The following FBN3 variants were observed in gnomAD, a reference collection of about 807,000 sequenced individuals.
FBN3 encodes fibrillin-3.
In FBN3, 234 loss-of-function variants were observed where a neutral mutation model predicts 330.1. The observed-to-expected ratio is 0.71, with a 90% CI of 0.64 to 0.79. The LOEUF is 0.79. FBN3 is among the 30% of genes least tolerant of loss of function. FBN3 has a pLI of 0.00. For missense variants in FBN3, 3,606 were observed against 3,886.9 expected (o/e 0.93, Z 1.92); for synonymous variants, 1,458 against 1,517.3 (o/e 0.96, Z 0.91).
rs768086589 is a variant in FBN3 at position 8,089,598 on chromosome 19, C to T, written c.6323G>A (p.Arg2108His). The T allele has an allele frequency of 3.1e-6, 5 of 1,614,054 alleles. No homozygotes were observed. The highest frequency in any genetic ancestry group is 4.5e-5 in the East Asian group (2 of 44,890). Residue 2108 changes from arginine (R) to histidine (H), a missense_variant, in exon 51 of 64, where the codon CGC becomes CAC. Transcript: ENST00000600128. ...GCTGTAGCCAAAGGGACACTCACAGCGGAAGGATCCATCGGTGTTGACACA... is the reference window on the plus strand; with the variant it reads ...GCTGTAGCCAAAGGGACACTCACAGTGGAAGGATCCATCGGTGTTGACACA... ...GVCVNTDGSF[R>H]CECPFGYSLD...
In FBN3 at chr19:8,097,324, C is replaced by A. The variant is rs758384388; in HGVS notation, c.5252G>T (p.Gly1751Val). 5 of 1,610,058 alleles carry A rather than the reference C, an allele frequency of 3.1e-6. No homozygotes were observed. Among genetic ancestry groups the A allele is most frequent in the Non-Finnish European group, 8.5e-7 (1 of 1,177,362 alleles). The change falls in exon 42 of 64, where the codon GGC becomes GTC. Residue 1751 changes from glycine to valine, a missense_variant. Physicochemically the swap from Gly to Val is moderately radical, Grantham distance 109. Transcript: ENST00000600128. ...CAGCAGGATGCTGTTGTAGTTGAAG[C>A]CTGCGGGGCACTCGCAGCGGAAACT... ...IGSFRCECPA[G>V]FNYNSILLAC...
chr19:8,136,630 G>C (rs2083288193), intron 10 of FBN3, 99 bp from the exon 11 acceptor site: 1 of 1,496,872 alleles, frequency 6.7e-7, no homozygotes, highest in East Asian at 2.3e-5. Context: ...CCCCTCTAAG[G>C]CTGGGACCCT....
At chr19:8,120,200 C>T (rs1411119235) in intron 25 of FBN3, among the ~76,000 whole-genome samples, 3 of 141,354 alleles carry the variant, frequency 2.1e-5, no homozygotes, top group African/African-American at 8.0e-5. Flanking sequence ...GACAGAATCT[C>T]GCTCTGTCGC....
In FBN3 at chr19:8,131,675, G is replaced by A. The variant is rs768480476; in HGVS notation, c.1869C>T (p.Ala623=). 2.5e-6 allele frequency: 4 copies of A among 1,614,240 alleles called. No individual in the cohort carries two copies. Among genetic ancestry groups the A allele is most frequent in the Non-Finnish European group, 2.5e-6 (3 of 1,180,042 alleles). Residue 623 remains alanine (A), a synonymous_variant, in exon 15 of 64, where the codon GCC becomes GCT. Coordinates refer to ENST00000600128, the MANE Select transcript of FBN3 (RefSeq NM_032447.5). The surrounding 1 kb of genome is among the most constrained non-coding windows in gnomAD (Gnocchi z 4.5). ...GGCGGGCACAGGAGCCCTTCTCGAT[G>A]GCCCCATAGCAGGTGCTGCGCACGT... ...DTHVRSTCYG[A]IEKGSCARPF... is the part of the protein sequence containing the mutation.
Position 8,135,943 on chromosome 19 carries a change from CGCCCA to C in FBN3, c.1591+13_1591+17del. 2.1e-6 allele frequency: 1 copy of C among 481,672 alleles called. No individual in the cohort carries two copies. Among genetic ancestry groups the C allele is most frequent in the Non-Finnish European group, 4.0e-6 (1 of 250,160 alleles). 29.8% of individuals were successfully genotyped at this position (481,672 alleles called of 1,614,324 possible). The stretch of plus-strand genomic sequence containing the variant: ...TGGGGCCCGGAAGCCCCTGCCCACC[CGCCCA>C]CCCCCAACTCACCCACACAGTTCTT... On this transcript the variant is annotated intron_variant, in intron 13 of 63. Coordinates refer to ENST00000600128, the MANE Select transcript of FBN3 (RefSeq NM_032447.5).
intron 6 of FBN3, among the ~76,000 whole-genome samples, chr19:8,143,993 A>AG (rs200438933): frequency 1.4e-4 from 21 of 151,156 alleles, no homozygotes; most frequent in African/African-American, 2.7e-4. Flanking sequence ...TTTTTTAGAG[A>AG]GGGGGGGTGT....
rs1304014847 is a variant in FBN3 at position 8,126,782 on chromosome 19, G to A, written c.2347C>T (p.Leu783=). The A allele has an allele frequency of 1.1e-5, 18 of 1,591,622 alleles. No individual in the cohort carries two copies. Among genetic ancestry groups the A allele is most frequent in the Non-Finnish European group, 1.5e-5 (17 of 1,170,512 alleles). ...SPCVSGVCRN[L]AGSYTCKCGP... ...CATTTGCAGGTGTAGGAGCCGGCCA[G>A]GTTCCGACAGACGCCACTCACACAC... Residue 783 remains leucine, a synonymous_variant, in exon 19 of 64, where the codon CTG becomes TTG. Transcript: ENST00000600128.
At chr19:8,145,797 C>T in intron 5 of FBN3, 46 bp downstream of exon 5, 1 of 1,414,308 alleles carries the variant, frequency 7.1e-7, no homozygotes, top group South Asian at 1.2e-5. Context: ...ACTCTGGGAT[C>T]ACAGTCCCAG....
chr19:8,113,484 T>C (rs4804266), intron 30 of FBN3, among the ~76,000 whole-genome samples: 149,709 of 152,218 alleles, frequency 0.98, 73,662 homozygotes, highest in Non-Finnish European at 1. Flanking sequence ...TCCACCTCAA[T>C]CTCCCAAAGT....
rs138322146 is a variant in FBN3, at chr19:8,066,189, G to A, written c.8160C>T (p.Ala2720=). ...CCGGCCGGAGCTCCAGGATGCGCTC[G>A]GCCCGGCCCAGGTGTGAGAGGTTCA... The part of the protein sequence containing the change: ...LGLNLSHLGR[A]ERILELRPAL... The change falls in exon 64 of 64, where the codon GCC becomes GCT. Residue 2720 remains alanine (A), a synonymous_variant. Coordinates refer to ENST00000600128, the MANE Select transcript of FBN3 (RefSeq NM_032447.5). 817 of 1,611,158 alleles carry A rather than the reference G, an allele frequency of 5.1e-4. 7 individuals carry two copies. The highest frequency in any genetic ancestry group is 5.0e-3 in the Middle Eastern group (30 of 6,048).
At chr19:8,091,415 C>T (rs2082091263) in intron 48 of FBN3, 50 bp downstream of exon 48, 1 of 1,601,924 alleles carries the variant, frequency 6.2e-7, no homozygotes. Flanking sequence ...CAATCTGACC[C>T]TTCCCCGCCC....
chr19:8,099,516 G>A (rs1420170242), intron 41 of FBN3, among the ~76,000 whole-genome samples: 3 of 151,418 alleles, frequency 2.0e-5, no homozygotes, highest in East Asian at 2.0e-4. Flanking sequence ...TCCTGACCTC[G>A]TGATCCGCCT....
At chr19:8,087,410 G>A (rs748131335) in intron 53 of FBN3, among the ~76,000 whole-genome samples, 199 bp from the exon 54 acceptor site, 2 of 152,082 alleles carry the variant, frequency 1.3e-5, no homozygotes, top group Non-Finnish European at 2.9e-5. Context: ...ATCAGGAATT[G>A]TCCCCCAAAG....
At chr19:8,110,741 G>C in intron 34 of FBN3, 104 bp downstream of exon 34, 1 of 1,469,158 alleles carries the variant, frequency 6.8e-7, no homozygotes, top group Admixed American at 1.8e-5. Flanking sequence ...GACTGCAGGG[G>C]AGGATGCTTG....
rs1444126462 is a variant in FBN3 at position 8,102,811 on chromosome 19, T to C, written c.5002A>G (p.Asn1668Asp). The C allele has an allele frequency of 5.0e-6, 8 of 1,613,966 alleles. No individual in the cohort carries two copies. Among genetic ancestry groups the C allele is most frequent in the Non-Finnish European group, 6.8e-6 (8 of 1,180,020 alleles). ...NGTCQNELAF[N>D]VTRKMCCCSY... ...CAGCAACACATTTTCCGGGTCACGT[T>C]GAAGGCCAGCTCATTTTGACATGTG... Residue 1668 changes from asparagine to aspartate, a missense_variant, in exon 40 of 64, where the codon AAC (asparagine) becomes GAC (aspartate). Asn to Asp is a conservative substitution (Grantham distance 23, BLOSUM62 1). Transcript: ENST00000600128.
Position 8,083,391 on chromosome 19 carries a change from C to T in FBN3, c.7088-19G>A, listed in dbSNP as rs749304572. 1.3e-5 allele frequency: 21 copies of T among 1,613,446 alleles called. No individual in the cohort carries two copies. The African/African-American group carries it at 2.8e-4, about 21-fold the overall frequency. On this transcript the variant is annotated intron_variant, in intron 56 of 63. Transcript: ENST00000600128. Reference sequence around the variant, plus strand: ...TCTACATCTGGGAAAAAGTAGGGTGCAAATGGGGCTGGCTGGCTGCTTCGC... The same window carrying T: ...TCTACATCTGGGAAAAAGTAGGGTGTAAATGGGGCTGGCTGGCTGCTTCGC...
chr19:8,118,750 C>T, intron 26 of FBN3, 147 bp downstream of exon 26: 1 of 983,652 alleles, frequency 1.0e-6, no homozygotes, highest in Non-Finnish European at 1.5e-6. Context: ...CACACACACA[C>T]TTGCACGCTC....
In FBN3 at chr19:8,129,917, A is replaced by G. The variant is rs2083084388; in HGVS notation, c.2045-552T>C. Among the ~76,000 whole-genome samples, 1 of 149,106 alleles carries G rather than the reference A, an allele frequency of 6.7e-6. No homozygotes were observed. The highest frequency in any genetic ancestry group is 2.1e-4 in the South Asian group (1 of 4,722). On this transcript the variant is annotated intron_variant, in intron 16 of 63. Transcript: ENST00000600128. The surrounding 1 kb of genome is among the most constrained non-coding windows in gnomAD (Gnocchi z 4.5). The stretch of plus-strand genomic sequence containing the variant: ...ATAAAAAGCAATTTTTTTTTTTTTG[A>G]GATAGGGTCTCACTCTGTCGCACAG...
intron 57 of FBN3, among the ~76,000 whole-genome samples, chr19:8,082,302 T>G (rs915488546): frequency 1.6e-5 from 2 of 127,920 alleles, no homozygotes; most frequent in Non-Finnish European, 3.5e-5. Flanking sequence ...CCTTTCTCTC[T>G]TTCTCCCTTT....
Sources: allele counts gnomAD v4.1 joint callset (sites outside exome capture counted in the v4.1 genomes callset), GRCh38; gene constraint gnomAD v4.1.1; non-coding constraint Gnocchi (gnomAD v3.1); transcripts MANE v1.5; gene names NCBI Gene and HGNC (gene_info 2026-07-23, HGNC 2026-07-21).